The following TSEN54 variants were observed in gnomAD, a reference collection of about 807,000 sequenced individuals.
The protein encoded by TSEN54 is tRNA-splicing endonuclease subunit Sen54.
Under a neutral mutation model 61.9 loss-of-function variants are expected in TSEN54, and 55 were observed. That is an observed-to-expected ratio of 0.89 (90% CI 0.72 to 1.11). TSEN54 has a LOEUF of 1.11. TSEN54 is among the 50% of genes most tolerant of loss of function. The pLI is 0.00. For missense variants in TSEN54, 760 were observed against 687.7 expected (o/e 1.11, Z -1.18); for synonymous variants, 304 against 288.7 (o/e 1.05, Z -0.54).
Position 75,524,684 on chromosome 17 carries a change from G to C in TSEN54, c.*272G>C. 1.8e-6 allele frequency: 1 copy of C among 556,272 alleles called. No homozygotes were observed. The highest frequency in any genetic ancestry group is 3.2e-6 in the Non-Finnish European group (1 of 308,020). The allele number at this position is 556,272 out of a possible 1,614,324, so 34.5% of individuals were successfully genotyped here. On this transcript the variant is annotated 3_prime_UTR_variant, in exon 11 of 11. Coordinates refer to ENST00000333213, the MANE Select transcript of TSEN54 (RefSeq NM_207346.3). The stretch of plus-strand genomic sequence containing the variant: ...GAGGACTGTGTGCCTTTAACGAGAG[G>C]GTGCCTGCTTCGTGCTATAAAGCCA...
chr17:75,521,668 A>C lies in TSEN54; in HGVS notation c.624-37A>C, dbSNP rs73998306. The C allele has an allele frequency of 0.012, 18,693 of 1,608,944 alleles. 1,717 individuals carry two copies. The African/African-American group carries it at 0.21, about 18-fold the overall frequency. On this transcript the variant is annotated intron_variant, in intron 7 of 10. Coordinates refer to ENST00000333213, the MANE Select transcript of TSEN54 (RefSeq NM_207346.3). ...ATGGGACGTGTGCACCTTAGCAACC[A>C]GGGGCAGATGTGCTGCTTTTCCCCC...
intron 9 of TSEN54, 125 bp downstream of exon 9, chr17:75,523,460 G>T (rs2053453614): frequency 7.5e-6 from 12 of 1,600,960 alleles, no homozygotes; most frequent in Non-Finnish European, 1.0e-5. Flanking sequence ...CCTACGCCTA[G>T]CTCTGAGCAA....
At chr17:75,523,143 T>A in intron 8 of TSEN54, 132 bp from the exon 9 acceptor site, 1 of 1,187,602 alleles carries the variant, frequency 8.4e-7, no homozygotes, top group Non-Finnish European at 1.2e-6. Flanking sequence ...CACGCCACTA[T>A]ACTCCAGCCT....
intron 8 of TSEN54, chr17:75,522,633 G>C (rs2053441004): frequency 9.4e-7 from 1 of 1,061,378 alleles, no homozygotes; most frequent in Admixed American, 3.3e-5. Flanking sequence ...CAACCTGTTA[G>C]ATGGGAAAAG....
intron 6 of TSEN54, among the ~76,000 whole-genome samples, chr17:75,520,780 C>T (rs2053419379): frequency 6.6e-6 from 1 of 151,878 alleles, no homozygotes; most frequent in Admixed American, 6.6e-5. Context: ...ATGGTGAAAC[C>T]TTGTCTCTAC....
At chr17:75,517,451 C>G in intron 4 of TSEN54, 106 bp from the exon 5 acceptor site, 1 of 1,220,986 alleles carries the variant, frequency 8.2e-7, no homozygotes, top group Non-Finnish European at 1.2e-6. Flanking sequence ...ATTCTTGATG[C>G]GCTGCTGAGA....
In TSEN54 at chr17:75,521,373, T is replaced by A. The variant is rs895363545; in HGVS notation, c.522-36T>A. The A allele has an allele frequency of 4.5e-6, 7 of 1,559,400 alleles. No individual in the cohort carries two copies. In the African/African-American group the frequency reaches 9.5e-5, roughly 21 times the overall value. ...CCACCAGATCCCCAGGCTGAGGAGG[T>A]GGGTCAGTGGCCCACCCGCTGTTCT... On this transcript the variant is annotated intron_variant, in intron 6 of 10. Coordinates refer to ENST00000333213, the MANE Select transcript of TSEN54 (RefSeq NM_207346.3).
chr17:75,517,119 TGCCCTCC>T (rs1568001000), intron 3 of TSEN54, 35 bp from the exon 4 acceptor site: 1 of 1,086,814 alleles, frequency 9.2e-7, no homozygotes, highest in Non-Finnish European at 1.3e-6. Flanking sequence ...CTGCCCTCCC[TGCCCTCC>T]CTCCCTTGTG....
At chr17:75,518,312 G>A (rs898475118) in intron 5 of TSEN54, among the ~76,000 whole-genome samples, 3 of 152,192 alleles carry the variant, frequency 2.0e-5, no homozygotes, top group Admixed American at 1.3e-4. Context: ...TGGGCTGTAT[G>A]GGAGTGCCAT....
At chr17:75,518,404 T>G (rs56140056) in intron 5 of TSEN54, 21,590 of 386,956 alleles carry the variant, frequency 0.056, 1,287 homozygotes, top group African/African-American at 0.21. Context: ...GACCGAGGAG[T>G]GTCTGGTGAT....
Position 75,521,838 on chromosome 17 carries a change from G to A in TSEN54, c.757G>A (p.Gly253Ser), listed in dbSNP as rs1170759832. 1.9e-6 allele frequency: 3 copies of A among 1,612,392 alleles called. No homozygotes were observed. The highest frequency in any genetic ancestry group is 2.5e-6 in the Non-Finnish European group (3 of 1,179,744). ...ACCCCAGGAGTCAAGCCCCATGAAGGGCCCAGGGGGCCCCTTTCAGCTTCT... is the reference window on the plus strand; with the variant it reads ...ACCCCAGGAGTCAAGCCCCATGAAGAGCCCAGGGGGCCCCTTTCAGCTTCT... The part of the protein sequence containing the change: ...EKPQESSPMK[G>S]PGGPFQLLGS... The change falls in exon 8 of 11, where the codon GGC becomes AGC. Residue 253 changes from glycine to serine, a missense_variant. By Grantham distance (56) the Gly-to-Ser change is moderately conservative. Coordinates refer to ENST00000333213, the MANE Select transcript of TSEN54 (RefSeq NM_207346.3).
chr17:75,519,196 T>C, intron 6 of TSEN54, 149 bp downstream of exon 6: 1 of 885,602 alleles, frequency 1.1e-6, no homozygotes, highest in Non-Finnish European at 1.9e-6. Context: ...CTGGAAGCGT[T>C]CTGAGAGAGG....
intron 5 of TSEN54, 63 bp downstream of exon 5, chr17:75,517,718 T>G (rs1211872936): frequency 1.4e-6 from 2 of 1,395,132 alleles, no homozygotes; most frequent in East Asian, 4.6e-5. Context: ...TATTGACAAG[T>G]ACCCATAAGG....
At chr17:75,521,069 C>T (rs1006453524) in intron 6 of TSEN54, among the ~76,000 whole-genome samples, 4 of 152,076 alleles carry the variant, frequency 2.6e-5, no homozygotes, top group African/African-American at 9.7e-5. Context: ...AAGCAGTATG[C>T]TAGTACAATG....
In TSEN54 at chr17:75,517,047, G is replaced by C; in HGVS notation, c.260G>C (p.Gly87Ala). 6.3e-7 allele frequency: 1 copy of C among 1,596,768 alleles called. No homozygotes were observed. Among genetic ancestry groups the C allele is most frequent in the Non-Finnish European group, 8.5e-7 (1 of 1,172,494 alleles). The change falls in exon 3 of 11, where the codon GGC (glycine) becomes GCC (alanine). Residue 87 changes from glycine (G) to alanine (A), a missense_variant. By Grantham distance (60) the Gly-to-Ala change is moderately conservative. Around this residue, in one of 3 missense-constraint regions of TSEN54, gnomAD observed 667 missense variants for 577.8 expected, o/e 1.15. Transcript: ENST00000333213. ...GCTGCCGAGTGGAGGCCAGAAGAGG[G>C]CTTCGTGGAGTTGAAGTCTCCCGCG... ...LVAAEWRPEE[G>A]FVELKSPAGK...
At chr17:75,518,151 G>C (rs988451847) in intron 5 of TSEN54, among the ~76,000 whole-genome samples, 1 of 152,168 alleles carries the variant, frequency 6.6e-6, no homozygotes, top group African/African-American at 2.4e-5. Context: ...CGAAAGAACT[G>C]TGTCAGATAA....
rs765450177 is a variant in TSEN54, at chr17:75,524,316, T to C, written c.1485T>C (p.Ser495=). Residue 495 remains serine, a synonymous_variant, in exon 11 of 11, where the codon AGT becomes AGC. Coordinates refer to ENST00000333213, the MANE Select transcript of TSEN54 (RefSeq NM_207346.3). ...LCSLKRLSYQ[S]GDVPLIFALV... The stretch of plus-strand genomic sequence containing the variant: ...GCCTCAAGCGGTTGTCTTACCAGAG[T>C]GGGGATGTCCCTCTGATCTTTGCCC... The C allele has an allele frequency of 5.0e-6, 8 of 1,614,172 alleles. No individual in the cohort carries two copies. In the South Asian group the frequency reaches 8.8e-5, roughly 18 times the overall value.
At chr17:75,518,706 G>A in intron 5 of TSEN54, 1 of 985,286 alleles carries the variant, frequency 1.0e-6, no homozygotes, top group Non-Finnish European at 1.2e-6. Context: ...AAATACTCAA[G>A]TATTTCAGGG....
chr17:75,517,411 T>C, intron 4 of TSEN54, 146 bp from the exon 5 acceptor site: 1 of 1,133,600 alleles, frequency 8.8e-7, no homozygotes, highest in Non-Finnish European at 1.3e-6. Context: ...TCCACATTAG[T>C]GATGCTGCCC....
Sources: allele counts gnomAD v4.1 joint callset (sites outside exome capture counted in the v4.1 genomes callset), GRCh38; gene constraint gnomAD v4.1.1; regional missense constraint gnomAD v4.1.1; transcripts MANE v1.5; gene names NCBI Gene and HGNC (gene_info 2026-07-23, HGNC 2026-07-21).